Variants in EVC2 observed in about 807,000 individuals in gnomAD.
EVC2 encodes EvC ciliary complex subunit 2, also known as limbin.
In EVC2, 148 loss-of-function variants were observed where a neutral mutation model predicts 149.3. The ratio of observed to expected loss-of-function variants is 0.99; its 90% confidence interval spans 0.87 to 1.14. The LOEUF is 1.14. EVC2 is among the 50% of genes most tolerant of loss of function. The pLI is 0.00. For missense variants in EVC2, 1,854 were observed against 1,627.3 expected, an observed-to-expected ratio of 1.14 and a Z score of -2.40; for synonymous variants, 776 against 649.9, an observed-to-expected ratio of 1.19 and a Z score of -2.95.
chr4:5,664,495 T>A (rs908738958), intron 8 of EVC2, among the ~76,000 whole-genome samples: 1 of 152,216 alleles, frequency 6.6e-6, no homozygotes, highest in Non-Finnish European at 1.5e-5. Context: ...AGGGTGCGTT[T>A]AGTTCTTCTG....
intron 6 of EVC2, among the ~76,000 whole-genome samples, chr4:5,683,117 G>GT (rs1180104628): frequency 6.6e-6 from 1 of 152,176 alleles, no homozygotes; most frequent in Non-Finnish European, 1.5e-5. Context: ...TCAAAATACC[G>GT]TAAGTCCTCT....
Position 5,563,059 on chromosome 4 carries a change from C to T in EVC2, c.3716G>A (p.Gly1239Glu). ...LRERMIFSGK[G>E]SWPHLSLEPI... ...CTCCAGTGACAGGTGTGGCCAACTT[C>T]CTTTTCCAGAGAATATCATCCTCTC... The change falls in exon 22 of 22, where the codon GGA (glycine) becomes GAA (glutamate). Residue 1239 changes from glycine to glutamate, a missense_variant. Coordinates refer to ENST00000344408, the MANE Select transcript of EVC2 (RefSeq NM_147127.5). 1 of 1,614,134 alleles carries T rather than the reference C, an allele frequency of 6.2e-7. No individual in the cohort carries two copies. Among genetic ancestry groups the T allele is most frequent in the Non-Finnish European group, 8.5e-7 (1 of 1,180,022 alleles).
At chr4:5,688,648 C>T (rs540244587) in intron 5 of EVC2, among the ~76,000 whole-genome samples, 3 of 152,152 alleles carry the variant, frequency 2.0e-5, no homozygotes, top group Non-Finnish European at 4.4e-5. Flanking sequence ...ACAAGCCAAC[C>T]AAGCAGCCCT....
intron 3 of EVC2, among the ~76,000 whole-genome samples, chr4:5,693,109 T>C (rs6833664): frequency 0.089 from 13,472 of 152,058 alleles, 1,325 homozygotes; most frequent in African/African-American, 0.25. Context: ...TTGCAAACAA[T>C]AACTGATAAA....
chr4:5,682,025 G>C lies in EVC2; in HGVS notation c.817-712C>G, dbSNP rs534154014. On this transcript the variant is annotated intron_variant, in intron 6 of 21. Transcript: ENST00000344408. The stretch of plus-strand genomic sequence containing the variant: ...AAGGTATTAGCCTCTCTGTGCCTCT[G>C]TTTTCTCATCTGTGAAATGGTAATC... Among the ~76,000 whole-genome samples, 4 of 152,284 alleles carry C rather than the reference G, an allele frequency of 2.6e-5. No homozygotes were observed. In the South Asian group the frequency reaches 8.3e-4, roughly 32 times the overall value.
Position 5,569,668 on chromosome 4 carries a change from A to T in EVC2, c.3361-1028T>A, listed in dbSNP as rs1176852757. Among the ~76,000 whole-genome samples, 1 of 152,012 alleles carries T rather than the reference A, an allele frequency of 6.6e-6. No homozygotes were observed. The highest frequency in any genetic ancestry group is 1.5e-5 in the Non-Finnish European group (1 of 68,004). On this transcript the variant is annotated intron_variant, in intron 19 of 21. Coordinates refer to ENST00000344408, the MANE Select transcript of EVC2 (RefSeq NM_147127.5). The surrounding 1 kb of genome is among the most constrained non-coding windows in gnomAD (Gnocchi z 4.8). ...GGGCAGGCAGGGGTGGGAGGGAACA[A>T]GTCCAGGTGCCGGAAGCCAAGGAGA...
At chr4:5,543,276 C>T (rs1721551755) in intron 21 of EVC2, 2 of 1,117,670 alleles carry the variant, frequency 1.8e-6, no homozygotes, top group Admixed American at 4.7e-5. Flanking sequence ...ATTGTACCAT[C>T]ACCATCCACC....
chr4:5,650,620 T>C lies in EVC2; in HGVS notation c.1146-9782A>G, dbSNP rs1456455651. Among the ~76,000 whole-genome samples the C allele has an allele frequency of 2.5e-5, 2 of 81,368 alleles. 1 individual carries two copies. Among genetic ancestry groups the C allele is most frequent in the Middle Eastern group, 0.013 (2 of 154 alleles). The allele number at this position is 81,368 out of a possible 152,430, so 53.4% of individuals were successfully genotyped here. On this transcript the variant is annotated intron_variant, in intron 9 of 21. Coordinates refer to ENST00000344408, the MANE Select transcript of EVC2 (RefSeq NM_147127.5). ...TTTAATCGCCATATATATATATATA[T>C]ATATATATATATATATATAGAGAGA...
intron 21 of EVC2, among the ~76,000 whole-genome samples, chr4:5,564,972 T>C (rs1463648290): frequency 2.6e-5 from 4 of 152,238 alleles, no homozygotes; most frequent in South Asian, 2.1e-4. Flanking sequence ...ACAGTAGCTA[T>C]AAGGAATTCT....
At chr4:5,581,855 T>A (rs1199600537) in intron 17 of EVC2, among the ~76,000 whole-genome samples, 1 of 152,210 alleles carries the variant, frequency 6.6e-6, no homozygotes, top group Non-Finnish European at 1.5e-5. Flanking sequence ...CCCTGCTCCC[T>A]GCATCCAGCC....
Position 5,630,988 on chromosome 4 carries a change from GTGCCTGTGTGTGCATGCACTTGTGCA to G in EVC2, c.1710+779_1710+804del, listed in dbSNP as rs1183484678. On this transcript the variant is annotated intron_variant, in intron 11 of 21. Coordinates refer to ENST00000344408, the MANE Select transcript of EVC2 (RefSeq NM_147127.5). ...TTGTAAAGCAGTGATGTCACTGTGT[GTGCCTGTGTGTGCATGCACTTGTGCA>G]TGTAAAATCCCTCACACAGGCCTCC... 2.6e-5 allele frequency among the ~76,000 whole-genome samples: 4 copies of G among 152,308 alleles called. No individual in the cohort carries two copies. In the East Asian group the frequency reaches 7.7e-4, roughly 29 times the overall value.
rs536972869 is a variant in EVC2, at chr4:5,562,806, T to A, written c.*42A>T. On this transcript the variant is annotated 3_prime_UTR_variant, in exon 22 of 22. Transcript: ENST00000344408. The surrounding 1 kb of genome is among the most constrained non-coding windows in gnomAD (Gnocchi z 4.3). ...AACACCGGCGGGCAGGAGAAAATCA[T>A]CCCTTCTCTCTTCAGATGCTCCCGC... 6.8e-6 allele frequency: 11 copies of A among 1,611,482 alleles called. No individual in the cohort carries two copies. Among genetic ancestry groups the A allele is most frequent in the Non-Finnish European group, 8.5e-6 (10 of 1,180,030 alleles).
At chr4:5,620,218 G>A (rs1161214341) in intron 14 of EVC2, among the ~76,000 whole-genome samples, 1 of 152,138 alleles carries the variant, frequency 6.6e-6, no homozygotes, top group East Asian at 1.9e-4. Context: ...CTTGTGCAAG[G>A]CCTTTGCCCC....
At chr4:5,630,215 C>T (rs540804198) in intron 11 of EVC2, among the ~76,000 whole-genome samples, 45 of 152,248 alleles carry the variant, frequency 3.0e-4, no homozygotes, top group East Asian at 9.7e-4. Context: ...AGGCTTGTGA[C>T]GATTACTCGG....
At chr4:5,648,951 A>C (rs543104395) in intron 9 of EVC2, among the ~76,000 whole-genome samples, 3 of 152,194 alleles carry the variant, frequency 2.0e-5, no homozygotes, top group African/African-American at 7.2e-5. Flanking sequence ...AGAATTCTTC[A>C]TTTCCATACA....
Position 5,615,536 on chromosome 4 carries a change from G to C in EVC2, c.2715C>G (p.Ser905=). ...TCTTGGACCGTGACTTTCTCACCTT[G>C]GACTGTTGCTGGAGAGGGGTTGGGG... is the stretch of plus-strand genomic sequence containing the variant. ...AVAAPELQQQ[S]KVRKSRSKSK... is the part of the protein sequence containing the mutation. The change falls in exon 16 of 22, where the codon TCC becomes TCG. Residue 905 remains serine, a synonymous_variant. Coordinates refer to ENST00000344408, the MANE Select transcript of EVC2 (RefSeq NM_147127.5). 2 of 1,614,164 alleles carry C rather than the reference G, an allele frequency of 1.2e-6. No homozygotes were observed. Among genetic ancestry groups the C allele is most frequent in the Non-Finnish European group, 1.7e-6 (2 of 1,180,030 alleles).
intron 1 of EVC2, among the ~76,000 whole-genome samples, chr4:5,701,270 G>T (rs900118097): frequency 6.6e-6 from 1 of 152,158 alleles, no homozygotes; most frequent in Non-Finnish European, 1.5e-5. Context: ...GGAACCATCA[G>T]ATAAACCTGA....
chr4:5,603,174 G>C (rs1714129282), intron 16 of EVC2, among the ~76,000 whole-genome samples: 1 of 152,220 alleles, frequency 6.6e-6, no homozygotes, highest in Non-Finnish European at 1.5e-5. Context: ...AAACTGGATA[G>C]ATTAGAAAGG....
chr4:5,535,581 T>C, the EVC2 span, among the ~76,000 whole-genome samples: 1 of 137,182 alleles, frequency 7.3e-6, no homozygotes, highest in African/African-American at 2.9e-5. The surrounding 1 kb of genome is among the most constrained non-coding windows in gnomAD (Gnocchi z 4.7). Flanking sequence ...AGCATGGTCC[T>C]TGGTGTGTGC....
Sources: gnomAD v4.1 joint callset for allele counts (sites outside exome capture counted in the v4.1 genomes callset) on GRCh38, gnomAD v4.1.1 for gene constraint, Gnocchi (gnomAD v3.1) non-coding constraint, MANE v1.5 for transcripts, NCBI Gene and HGNC (gene_info 2026-07-23, HGNC 2026-07-21) for gene names.